RIMS2: variants seen among roughly 807,000 people sequenced by gnomAD.
The protein encoded by RIMS2 is regulating synaptic membrane exocytosis protein 2.
RIMS2 carries 59 observed loss-of-function variants against 174.4 expected under a neutral mutation model. That is an observed-to-expected ratio of 0.34 (90% CI 0.27 to 0.42). RIMS2 has a LOEUF of 0.42. Among genes scored for constraint, RIMS2 ranks in the 10% least tolerant of loss-of-function variants. The pLI is 1.00. For missense variants in RIMS2, 1,620 were observed against 1,666.3 expected, an observed-to-expected ratio of 0.97 and a Z score of 0.48; for synonymous variants, 606 against 572.5, an observed-to-expected ratio of 1.06 and a Z score of -0.84.
At chr8:103,960,142 G>A (rs1412111089) in intron 14 of RIMS2, among the ~76,000 whole-genome samples, 2 of 152,138 alleles carry the variant, frequency 1.3e-5, no homozygotes, top group African/African-American at 4.8e-5. Context: ...TGTGGGGTGT[G>A]TCTGTTCCTG....
intron 19 of RIMS2, among the ~76,000 whole-genome samples, chr8:104,138,914 T>C (rs143652431): frequency 1.5e-3 from 229 of 152,322 alleles, no homozygotes; most frequent in African/African-American, 5.2e-3. Flanking sequence ...TAAATTTAAA[T>C]ATTTAATCAA....
rs188271201 is a variant in RIMS2, at chr8:104,228,495, T to C, written c.3335-16421T>C. ...CCTTACGCCGTTGAAATAAGAAAAA[T>C]TCTTCATACATTTAAATGTAATCCT... is the stretch of plus-strand genomic sequence containing the variant. On this transcript the variant is annotated intron_variant, in intron 19 of 23. Transcript: ENST00000504942. 1.3e-5 allele frequency among the ~76,000 whole-genome samples: 2 copies of C among 152,268 alleles called. 1 individual carries two copies. The highest frequency in any genetic ancestry group is 1.3e-4 in the Admixed American group (2 of 15,294).
In RIMS2 at chr8:104,013,564, G is replaced by C. The variant is rs542594833; in HGVS notation, c.3167G>C (p.Arg1056Thr). 1.5e-5 allele frequency: 25 copies of C among 1,613,770 alleles called. No individual in the cohort carries two copies. In the East Asian group the frequency reaches 4.9e-4, roughly 32 times the overall value. Reference sequence around the variant, plus strand: ...GAACGTCCTGATACAAACCTCATGAGGTCGATGCCTTCATTAATGACTGGA... The same window carrying C: ...GAACGTCCTGATACAAACCTCATGACGTCGATGCCTTCATTAATGACTGGA... Residue 1056 changes from arginine to threonine, a missense_variant, in exon 18 of 24, where the codon AGG becomes ACG. Coordinates refer to ENST00000504942, the Ensembl canonical transcript of RIMS2.
intron 19 of RIMS2, among the ~76,000 whole-genome samples, chr8:104,029,051 C>T (rs2096323242): frequency 1.3e-5 from 2 of 152,172 alleles, no homozygotes; most frequent in Non-Finnish European, 2.9e-5. Flanking sequence ...CTGAGGGATT[C>T]TCCCCTTTTT....
intron 1 of RIMS2, among the ~76,000 whole-genome samples, chr8:103,623,682 G>A (rs2095699827): frequency 6.6e-6 from 1 of 151,608 alleles, no homozygotes; most frequent in South Asian, 2.1e-4. Context: ...GTAGAGACGG[G>A]GTTTCACCGT....
intron 13 of RIMS2, among the ~76,000 whole-genome samples, chr8:103,937,126 T>C (rs1411984206): frequency 6.6e-6 from 1 of 151,354 alleles, no homozygotes. Context: ...GATAAATAAA[T>C]AAATAAATAA....
At chr8:103,985,406 G>A (rs570218930) in intron 16 of RIMS2, among the ~76,000 whole-genome samples, 4 of 148,898 alleles carry the variant, frequency 2.7e-5, no homozygotes, top group East Asian at 2.0e-4. Context: ...TCTGGGAGGC[G>A]GAGGTTGCAG....
At chr8:103,776,488 C>G (rs1247665093) in intron 3 of RIMS2, among the ~76,000 whole-genome samples, 1 of 151,982 alleles carries the variant, frequency 6.6e-6, no homozygotes, top group African/African-American at 2.4e-5. Context: ...AGAAGGTAGT[C>G]TGGATGTTTT....
chr8:103,919,826 A>G (rs1232768433), intron 9 of RIMS2, among the ~76,000 whole-genome samples: 1 of 152,154 alleles, frequency 6.6e-6, no homozygotes, highest in Non-Finnish European at 1.5e-5. Context: ...AAATGATTTT[A>G]TCCAAAGTAA....
chr8:103,576,056 C>T lies in RIMS2; in HGVS notation c.176+74994C>T, dbSNP rs188735149. 1.3e-4 allele frequency among the ~76,000 whole-genome samples: 20 copies of T among 152,286 alleles called. No homozygotes were observed. In the East Asian group the frequency reaches 2.9e-3, roughly 22 times the overall value. On this transcript the variant is annotated intron_variant, in intron 1 of 23. Transcript: ENST00000504942. ...AAAGTGGGAGGGCAGGACCACTATCCTCAGCATGGAAACCCTGCTATGTAA... is the reference window on the plus strand; with the variant it reads ...AAAGTGGGAGGGCAGGACCACTATCTTCAGCATGGAAACCCTGCTATGTAA...
intron 1 of RIMS2, among the ~76,000 whole-genome samples, chr8:103,526,057 A>G (rs1306516536): frequency 1.3e-5 from 2 of 152,216 alleles, no homozygotes; most frequent in African/African-American, 4.8e-5. Context: ...GAGGTGGCCA[A>G]GAGGCTGAGA....
chr8:103,531,044 A>G (rs1836820753), intron 1 of RIMS2, among the ~76,000 whole-genome samples: 1 of 150,986 alleles, frequency 6.6e-6, no homozygotes, highest in South Asian at 2.1e-4. Flanking sequence ...ACGTTAACAC[A>G]TAGGCAAAAC....
chr8:104,008,041 G>A (rs1302816454), intron 17 of RIMS2, among the ~76,000 whole-genome samples: 1 of 152,106 alleles, frequency 6.6e-6, no homozygotes, highest in East Asian at 1.9e-4. Flanking sequence ...CTGTATTCTA[G>A]CTTGAGAGCC....
At chr8:104,035,556 T>C (rs954186720) in intron 19 of RIMS2, among the ~76,000 whole-genome samples, 2 of 151,952 alleles carry the variant, frequency 1.3e-5, no homozygotes, top group Admixed American at 1.3e-4. Context: ...TTGTAAAATG[T>C]ATCTTTAGGA....
Position 103,877,959 on chromosome 8 carries a change from G to T in RIMS2, c.699-7339G>T, listed in dbSNP as rs528993493. Among the ~76,000 whole-genome samples, 255 of 151,730 alleles carry T rather than the reference G, an allele frequency of 1.7e-3. 2 individuals carry two copies. The highest frequency in any genetic ancestry group is 5.9e-3 in the African/African-American group (245 of 41,442). The stretch of plus-strand genomic sequence containing the variant: ...GTAGAGATCTTTCACCTCTGATATG[G>T]TTAGGCTTTGTGTCCCCACCAAAAT... On this transcript the variant is annotated intron_variant, in intron 3 of 23. Coordinates refer to ENST00000504942, the Ensembl canonical transcript of RIMS2.
At chr8:103,787,680 C>T (rs1349966690) in intron 3 of RIMS2, among the ~76,000 whole-genome samples, 1 of 152,144 alleles carries the variant, frequency 6.6e-6, no homozygotes, top group Admixed American at 6.5e-5. Flanking sequence ...GGTAACCCGA[C>T]CTTTCTCTCT....
In RIMS2 at chr8:103,603,654, C is replaced by T. The variant is rs1487829834; in HGVS notation, c.177-93432C>T. On this transcript the variant is annotated intron_variant, in intron 1 of 23. Coordinates refer to ENST00000504942, the Ensembl canonical transcript of RIMS2. Reference sequence around the variant, plus strand: ...TCCTATTTCTCCACATCCTCTCCAGCACCTGTTGTTTCCTGACTTTTTAAT... The same window carrying T: ...TCCTATTTCTCCACATCCTCTCCAGTACCTGTTGTTTCCTGACTTTTTAAT... Among the ~76,000 whole-genome samples the T allele has an allele frequency of 1.7e-3, 254 of 147,740 alleles. 1 individual carries two copies. Among genetic ancestry groups the T allele is most frequent in the Non-Finnish European group, 2.9e-3 (194 of 66,268 alleles).
At chr8:103,995,674 T>C (rs970882616) in intron 17 of RIMS2, among the ~76,000 whole-genome samples, 1 of 152,010 alleles carries the variant, frequency 6.6e-6, no homozygotes, top group Non-Finnish European at 1.5e-5. Flanking sequence ...TTTTTTGATA[T>C]CAGGAACCAG....
At chr8:104,031,627 A>G (rs1438621145) in intron 19 of RIMS2, among the ~76,000 whole-genome samples, 2 of 152,138 alleles carry the variant, frequency 1.3e-5, no homozygotes, top group Admixed American at 1.3e-4. Flanking sequence ...CTTGTTATGC[A>G]TATTATCTAA....
Sources: allele counts gnomAD v4.1 joint callset (sites outside exome capture counted in the v4.1 genomes callset), GRCh38; gene constraint gnomAD v4.1.1; transcripts MANE v1.5; gene names NCBI Gene and HGNC (gene_info 2026-07-23, HGNC 2026-07-21).